Variants in NAPA observed in about 807,000 individuals in gnomAD.
The protein encoded by NAPA is alpha-soluble NSF attachment protein.
A neutral mutation model predicts 48.0 loss-of-function variants in NAPA; 18 were observed. The observed-to-expected ratio is 0.38, with a 90% CI of 0.26 to 0.56. The LOEUF (loss-of-function observed/expected upper bound fraction) is 0.56, where lower values mean the gene tolerates loss of function less well. NAPA is among the 20% of genes least tolerant of loss of function. The pLI, the probability that NAPA is intolerant of heterozygous loss-of-function variation, is 0.77. For missense variants in NAPA, 315 were observed against 385.0 expected (o/e 0.82, Z 1.52); for synonymous variants, 152 against 149.9 (o/e 1.01, Z -0.10).
downstream of NAPA, among the ~76,000 whole-genome samples, chr19:47,485,279 C>T (rs1968038567): frequency 6.6e-6 from 1 of 152,206 alleles, no homozygotes; most frequent in Non-Finnish European, 1.5e-5. Flanking sequence ...AAAGAAACCT[C>T]TACAAAGAGG....
chr19:47,511,049 C>A (rs1237431080), intron 1 of NAPA, among the ~76,000 whole-genome samples: 1 of 152,222 alleles, frequency 6.6e-6, no homozygotes, highest in Admixed American at 6.5e-5. Flanking sequence ...CATCGCCTTG[C>A]GTCCCAGGTG....
intron 10 of NAPA, chr19:47,489,389 A>T (rs1968178116): frequency 2.7e-6 from 1 of 374,934 alleles, no homozygotes; most frequent in Non-Finnish European, 5.0e-6. Flanking sequence ...AGTCTCACAC[A>T]CTCACCTGGG....
At chr19:47,503,590 G>C (rs76449265) in intron 1 of NAPA, 88 bp from the exon 2 acceptor site, 4 of 1,258,336 alleles carry the variant, frequency 3.2e-6, no homozygotes, top group Non-Finnish European at 4.6e-6. Flanking sequence ...GGGCACAGAC[G>C]TGCCCCTACC....
intron 1 of NAPA, among the ~76,000 whole-genome samples, chr19:47,507,665 G>A (rs542232351): frequency 6.6e-6 from 1 of 152,316 alleles, no homozygotes; most frequent in East Asian, 1.9e-4. Context: ...TCACATGCCT[G>A]TGTCTTCCCT....
chr19:47,499,716 C>T (rs1428584041), intron 3 of NAPA, among the ~76,000 whole-genome samples: 1 of 152,236 alleles, frequency 6.6e-6, no homozygotes, highest in Non-Finnish European at 1.5e-5. Context: ...CAGATCACGA[C>T]AAAGGGGTAT....
intron 4 of NAPA, 80 bp downstream of exon 4, chr19:47,495,470 G>T: frequency 1.4e-6 from 2 of 1,433,632 alleles, no homozygotes; most frequent in Non-Finnish European, 2.0e-6. Flanking sequence ...GAACAGTGCT[G>T]GGGGTGCTGA....
chr19:47,509,599 G>T (rs979186818), intron 1 of NAPA, among the ~76,000 whole-genome samples: 1 of 152,198 alleles, frequency 6.6e-6, no homozygotes. Context: ...GCAGAGGACC[G>T]ATTCCAGGCA....
chr19:47,510,375 T>G (rs1329526620), intron 1 of NAPA, among the ~76,000 whole-genome samples: 1 of 152,248 alleles, frequency 6.6e-6, no homozygotes, highest in African/African-American at 2.4e-5. Flanking sequence ...GAACACCCTC[T>G]GCCACCTATT....
intron 1 of NAPA, among the ~76,000 whole-genome samples, chr19:47,509,386 T>C (rs540037626): frequency 6.6e-6 from 1 of 151,944 alleles, no homozygotes; most frequent in East Asian, 1.9e-4. Context: ...ATGCTGACAG[T>C]AGTCAGACAG....
rs200377943 is a variant in NAPA, at chr19:47,500,591, C to T, written c.295+42G>A. ...GAATCAATGCAGGGTGCTAGGATGG[C>T]GCTCCGGACAGCCAGCCCGTGTGGC... is the stretch of plus-strand genomic sequence containing the variant. On this transcript the variant is annotated intron_variant, in intron 3 of 10. Transcript: ENST00000263354. The T allele has an allele frequency of 1.7e-3, 2,579 of 1,520,892 alleles. 5 individuals are homozygous for T. Among genetic ancestry groups the T allele is most frequent in the Non-Finnish European group, 2.2e-3 (2,451 of 1,121,446 alleles). The allele number at this position is 1,520,892 out of a possible 1,614,324, so 94.2% of individuals were successfully genotyped here. A position where few individuals can be genotyped will look rare whatever the true frequency, so the allele number is the denominator to read the frequency against.
intron 1 of NAPA, among the ~76,000 whole-genome samples, chr19:47,509,191 G>C (rs564693833): frequency 6.6e-6 from 1 of 151,954 alleles, no homozygotes. Context: ...GAATGGAAAA[G>C]GTGCTCAATG....
In NAPA at chr19:47,488,234, CCT is replaced by C. The variant is rs1968129008; in HGVS notation, c.*52_*53del. The C allele has an allele frequency of 9.3e-6, 14 of 1,500,126 alleles. No homozygotes were observed. Among genetic ancestry groups the C allele is most frequent in the African/African-American group, 1.4e-5 (1 of 72,712 alleles). 92.9% of individuals were successfully genotyped at this position (1,500,126 alleles called of 1,614,324 possible). On this transcript the variant is annotated 3_prime_UTR_variant, in exon 11 of 11. Transcript: ENST00000263354. Reference sequence around the variant, plus strand: ...AGCTCTCCAGCAAGTCTCGGCCCCACCTCTCTCTGAGCAGATGGGACAGGAAG... The same window carrying C: ...AGCTCTCCAGCAAGTCTCGGCCCCACCTCTCTGAGCAGATGGGACAGGAAG...
At chr19:47,505,336 C>A (rs1329724115) in intron 1 of NAPA, 9 of 152,210 alleles carry the variant, frequency 5.9e-5, no homozygotes, top group African/African-American at 2.2e-4. Context: ...CAACATTATA[C>A]CTGGGAACTT....
rs931792786 is a variant in NAPA, at chr19:47,490,771, G to A, written c.735+17C>T. Reference sequence around the variant, plus strand: ...CTGAGGTTCGGGAAGGGGGAGGCCGGAGCACCCAGCACTTACTTTCATCAA... The same window carrying A: ...CTGAGGTTCGGGAAGGGGGAGGCCGAAGCACCCAGCACTTACTTTCATCAA... On this transcript the variant is annotated intron_variant, in intron 9 of 10. Transcript: ENST00000263354. 6 of 1,611,898 alleles carry A rather than the reference G, an allele frequency of 3.7e-6. No individual in the cohort carries two copies. The highest frequency in any genetic ancestry group is 4.2e-6 in the Non-Finnish European group (5 of 1,179,002).
At chr19:47,513,604 G>A (rs767315111) in intron 1 of NAPA, among the ~76,000 whole-genome samples, 12 of 152,050 alleles carry the variant, frequency 7.9e-5, no homozygotes, top group East Asian at 1.9e-4. Context: ...TTTATGCCAC[G>A]TCATATGTGT....
chr19:47,509,289 A>AAAAATAAAATAAAATAAAATAAAAT (rs542864086), intron 1 of NAPA, among the ~76,000 whole-genome samples: 9 of 129,512 alleles, frequency 6.9e-5, no homozygotes, highest in African/African-American at 2.8e-4. Context: ...TTGTGGTGGT[A>AAAAATAAAATAAAATAAAATAAAAT]AAAATAAAAT....
intron 1 of NAPA, among the ~76,000 whole-genome samples, chr19:47,513,992 GT>G (rs2122788969): frequency 6.6e-6 from 1 of 151,518 alleles, no homozygotes; most frequent in East Asian, 1.9e-4. Flanking sequence ...GGGATTACAG[GT>G]ACCCGCCACC....
At chr19:47,505,285 T>A (rs1968671495) in intron 1 of NAPA, 1 of 152,168 alleles carries the variant, frequency 6.6e-6, no homozygotes, top group African/African-American at 2.4e-5. Context: ...CCCATTCAAA[T>A]CATCCTCACC....
chr19:47,490,998 G>A (rs1399926449), intron 8 of NAPA, 142 bp from the exon 9 acceptor site: 11 of 657,116 alleles, frequency 1.7e-5, no homozygotes, highest in Non-Finnish European at 2.6e-5. Context: ...GTGTCACCTG[G>A]CTCTGTGTCT....
Sources: gnomAD v4.1 joint callset for allele counts (sites outside exome capture counted in the v4.1 genomes callset) on GRCh38, gnomAD v4.1.1 for gene constraint, MANE v1.5 for transcripts, NCBI Gene and HGNC (gene_info 2026-07-23, HGNC 2026-07-21) for gene names.